TMEM192: variants seen among roughly 807,000 people sequenced by gnomAD.
TMEM192 encodes transmembrane protein 192.
Under a neutral mutation model 26.7 loss-of-function variants are expected in TMEM192, and 20 were observed. The ratio of observed to expected loss-of-function variants is 0.75; its 90% CI spans 0.53 to 1.09. TMEM192 has a LOEUF of 1.09. Among genes scored for constraint, TMEM192 ranks in the 50% least tolerant of loss-of-function variants. The pLI is 0.00. For synonymous variants in TMEM192, 124 were observed against 121.0 expected (o/e 1.02, Z -0.16); for missense variants, 304 against 322.6 (o/e 0.94, Z 0.44).
At chr4:165,105,609 G>A (rs1173562750) in intron 1 of TMEM192, among the ~76,000 whole-genome samples, 3 of 152,098 alleles carry the variant, frequency 2.0e-5, no homozygotes, top group Non-Finnish European at 4.4e-5. Context: ...CACTCAATAA[G>A]TATTAGCCAC....
At chr4:165,112,415 G>C (rs894415776) in intron 1 of TMEM192, among the ~76,000 whole-genome samples, 1 of 152,216 alleles carries the variant, frequency 6.6e-6, no homozygotes, top group Non-Finnish European at 1.5e-5. Flanking sequence ...CGCGCATCAC[G>C]TGAAGCTGCC....
intron 1 of TMEM192, among the ~76,000 whole-genome samples, chr4:165,107,888 T>C (rs1363927942): frequency 2.0e-5 from 3 of 152,218 alleles, no homozygotes; most frequent in Admixed American, 2.0e-4. Flanking sequence ...CTGGGTCTAC[T>C]TTGTATCTTC....
chr4:165,085,026 G>A (rs1361130704), intron 5 of TMEM192, among the ~76,000 whole-genome samples: 2 of 152,058 alleles, frequency 1.3e-5, no homozygotes, highest in Non-Finnish European at 2.9e-5. Context: ...TGTGATCCCA[G>A]CACTTTGGGA....
chr4:165,093,097 C>CTTTT (rs35970962), intron 3 of TMEM192, among the ~76,000 whole-genome samples: 12 of 120,938 alleles, frequency 9.9e-5, no homozygotes, highest in Admixed American at 2.0e-4. Flanking sequence ...TTTTTTTCTT[C>CTTTT]TTTTTTTTTT....
Position 165,112,406 on chromosome 4 carries a change from G to T in TMEM192, c.27+341C>A, listed in dbSNP as rs574207200. The stretch of plus-strand genomic sequence containing the variant: ...GGGAGGAAGGGCTGTCAGGCCAGGC[G>T]CGCATCACGTGAAGCTGCCAGTTCC... On this transcript the variant is annotated intron_variant, in intron 1 of 5. Transcript: ENST00000306480. Among the ~76,000 whole-genome samples, 148 of 152,288 alleles carry T rather than the reference G, an allele frequency of 9.7e-4. 1 individual carries two copies. The highest frequency in any genetic ancestry group is 2.9e-3 in the African/African-American group (122 of 41,564).
rs1352103633 is a variant in TMEM192, at chr4:165,073,161, A to C, written c.*6497T>G. 1 of 153,002 alleles carries C rather than the reference A, an allele frequency of 6.5e-6. No individual in the cohort carries two copies. The highest frequency in any genetic ancestry group is 1.5e-5 in the Non-Finnish European group (1 of 68,648). 9.5% of individuals were successfully genotyped at this position (153,002 alleles called of 1,614,324 possible). A position where few individuals can be genotyped will look rare whatever the true frequency, so the allele number is the denominator to read the frequency against. On this transcript the variant is annotated 3_prime_UTR_variant, in exon 6 of 6. Transcript: ENST00000306480. ...GGGAAAAGAGAGAGATCAGATTGTT[A>C]CTGTGTCTATGTAGAAAAAGAAGAC...
At chr4:165,096,664 A>T (rs1319397076) in intron 3 of TMEM192, among the ~76,000 whole-genome samples, 1 of 149,372 alleles carries the variant, frequency 6.7e-6, no homozygotes, top group Non-Finnish European at 1.5e-5. Context: ...AAAATATTTT[A>T]AAAAATAGAA....
intron 5 of TMEM192, among the ~76,000 whole-genome samples, chr4:165,081,005 G>C (rs1306061830): frequency 6.6e-6 from 1 of 152,000 alleles, no homozygotes; most frequent in Non-Finnish European, 1.5e-5. Flanking sequence ...GTGAGCCACC[G>C]CGCCCAGCCA....
At position 165,100,648 on chromosome 4, in the gene TMEM192, G is replaced by T; in HGVS notation, c.419C>A (p.Ala140Glu). The change falls in exon 3 of 6, where the codon GCG (alanine) becomes GAG (glutamate). Residue 140 changes from alanine to glutamate, a missense_variant. Coordinates refer to ENST00000306480, the MANE Select transcript of TMEM192 (RefSeq NM_001100389.2). ...CATACCAGAGGACTGTATCATCAAC[G>T]CAAGTCTCTTGAGATGCCTTGTTGA... Reference protein sequence around the residue: ...YRSTRHLKRLALMIQSSGNTV... With the variant: ...YRSTRHLKRLELMIQSSGNTV... 1.9e-6 allele frequency: 3 copies of T among 1,614,140 alleles called. No homozygotes were observed. The highest frequency in any genetic ancestry group is 2.5e-6 in the Non-Finnish European group (3 of 1,180,022).
rs1226412470 is a variant in TMEM192 at position 165,100,635 on chromosome 4, C to T, written c.432G>A (p.Gln144=). Residue 144 remains glutamine (Q), a synonymous_variant, in exon 3 of 6, where the codon CAG becomes CAA. Coordinates refer to ENST00000306480, the MANE Select transcript of TMEM192 (RefSeq NM_001100389.2). ...AGAGAAAATTGGACATACCAGAGGA[C>T]TGTATCATCAACGCAAGTCTCTTGA... is the stretch of plus-strand genomic sequence containing the variant. ...RHLKRLALMI[Q]SSGNTVLLLI... is the part of the protein sequence containing the mutation. The T allele has an allele frequency of 6.2e-7, 1 of 1,614,114 alleles. No individual in the cohort carries two copies. Among genetic ancestry groups the T allele is most frequent in the Non-Finnish European group, 8.5e-7 (1 of 1,180,000 alleles).
chr4:165,090,142 T>C (rs1026531935), intron 3 of TMEM192, among the ~76,000 whole-genome samples: 1 of 125,634 alleles, frequency 8.0e-6, no homozygotes, highest in African/African-American at 3.1e-5. Context: ...ACCCGGGAGG[T>C]GGAGGTTGCG....
intron 1 of TMEM192, among the ~76,000 whole-genome samples, chr4:165,106,061 C>T (rs760986584): frequency 1.3e-5 from 2 of 152,152 alleles, no homozygotes; most frequent in African/African-American, 4.8e-5. Flanking sequence ...TTCCTGAATC[C>T]GTGGCTGCCT....
chr4:165,091,268 A>C (rs1453897340), intron 3 of TMEM192, among the ~76,000 whole-genome samples: 1 of 147,408 alleles, frequency 6.8e-6, no homozygotes, highest in Non-Finnish European at 1.5e-5. Context: ...ACTCCATTTC[A>C]AAAAAAAAAT....
intron 3 of TMEM192, among the ~76,000 whole-genome samples, chr4:165,094,656 CA>C (rs113595881): frequency 1.0e-3 from 126 of 120,836 alleles, no homozygotes; most frequent in Middle Eastern, 4.7e-3. Flanking sequence ...GACTCTGTCT[CA>C]AAAAAAAAAA....
intron 5 of TMEM192, among the ~76,000 whole-genome samples, chr4:165,081,308 A>T (rs1170422185): frequency 6.7e-6 from 1 of 149,958 alleles, no homozygotes; most frequent in Non-Finnish European, 1.5e-5. Flanking sequence ...AGTTATCTTG[A>T]TGGAACTGAG....
Position 165,079,620 on chromosome 4 carries a change from T to C in TMEM192, c.*38A>G. On this transcript the variant is annotated 3_prime_UTR_variant, in exon 6 of 6. Transcript: ENST00000306480. The stretch of plus-strand genomic sequence containing the variant: ...GGTGGTCAGTCAGTCTCAATTACTC[T>C]GGGTTCCTCTGCAATTGCTGTCATG... 6.3e-7 allele frequency: 1 copy of C among 1,585,082 alleles called. No individual in the cohort carries two copies. Among genetic ancestry groups the C allele is most frequent in the East Asian group, 2.3e-5 (1 of 43,754 alleles).
intron 1 of TMEM192, among the ~76,000 whole-genome samples, chr4:165,108,554 T>C (rs942368112): frequency 3.3e-5 from 5 of 152,194 alleles, no homozygotes; most frequent in African/African-American, 7.2e-5. Flanking sequence ...AGGCAAGACC[T>C]TTCTGAGTAC....
intron 3 of TMEM192, among the ~76,000 whole-genome samples, chr4:165,094,282 C>T (rs1734840925): frequency 6.6e-6 from 1 of 152,176 alleles, no homozygotes; most frequent in South Asian, 2.1e-4. Flanking sequence ...AGTGACCCGC[C>T]TGCCTTAGCC....
intron 3 of TMEM192, among the ~76,000 whole-genome samples, chr4:165,095,237 A>T (rs1180085272): frequency 6.6e-6 from 1 of 152,188 alleles, no homozygotes; most frequent in Non-Finnish European, 1.5e-5. Context: ...ATGCCTAAGT[A>T]GACATGTAGT....
Sources: gnomAD v4.1 joint callset for allele counts (sites outside exome capture counted in the v4.1 genomes callset) on GRCh38, gnomAD v4.1.1 for gene constraint, MANE v1.5 for transcripts, NCBI Gene and HGNC (gene_info 2026-07-23, HGNC 2026-07-21) for gene names.